The following ZNF385B variants were observed in gnomAD, a reference collection of about 807,000 sequenced individuals.
ZNF385B encodes zinc finger protein 385B.
A neutral mutation model predicts 39.2 loss-of-function variants in ZNF385B; 23 were observed. That is an observed-to-expected ratio of 0.59 (90% CI 0.42 to 0.83). ZNF385B has a LOEUF of 0.83. Among genes scored for constraint, ZNF385B ranks in the 40% least tolerant of loss-of-function variants. ZNF385B has a pLI of 0.00. For synonymous variants in ZNF385B, 205 were observed against 222.6 expected (o/e 0.92, Z 0.70); for missense variants, 552 against 598.9 (o/e 0.92, Z 0.82).
At chr2:179,560,992 G>A (rs2061298136) in intron 3 of ZNF385B, among the ~76,000 whole-genome samples, 1 of 152,122 alleles carries the variant, frequency 6.6e-6, no homozygotes. Context: ...GTGAAGGACA[G>A]GGACAAGTTA....
intron 1 of ZNF385B, among the ~76,000 whole-genome samples, chr2:179,843,767 C>G (rs1400625586): frequency 6.6e-6 from 1 of 152,230 alleles, no homozygotes. Flanking sequence ...TTCCATCTGT[C>G]AAACTCAATC....
chr2:179,761,756 CTTTT>C (rs1167656175), intron 3 of ZNF385B, among the ~76,000 whole-genome samples: 2 of 109,588 alleles, frequency 1.8e-5, no homozygotes, highest in Non-Finnish European at 3.8e-5. Context: ...CATTTTTTTT[CTTTT>C]CTTTTTTTTT....
intron 3 of ZNF385B, among the ~76,000 whole-genome samples, chr2:179,736,426 A>C (rs1701760547): frequency 6.6e-6 from 1 of 152,098 alleles, no homozygotes; most frequent in African/African-American, 2.4e-5. Context: ...TGGACCATTA[A>C]GCTTTTACTA....
intron 3 of ZNF385B, among the ~76,000 whole-genome samples, chr2:179,627,373 C>A (rs1307787534): frequency 6.6e-6 from 1 of 152,106 alleles, no homozygotes; most frequent in Non-Finnish European, 1.5e-5. Context: ...TGGAACCATA[C>A]TAGGTCCATA....
intron 3 of ZNF385B, among the ~76,000 whole-genome samples, chr2:179,704,511 G>A (rs530806385): frequency 2.6e-5 from 4 of 152,254 alleles, no homozygotes; most frequent in Non-Finnish European, 4.4e-5. Flanking sequence ...AACACCTCTG[G>A]GAGATTAGGC....
At chr2:179,568,933 T>C (rs1187168446) in intron 3 of ZNF385B, among the ~76,000 whole-genome samples, 1 of 152,226 alleles carries the variant, frequency 6.6e-6, no homozygotes, top group Non-Finnish European at 1.5e-5. Flanking sequence ...TTTTAAACCA[T>C]CTAACACCTA....
chr2:179,673,934 C>T (rs1251203061), intron 3 of ZNF385B, among the ~76,000 whole-genome samples: 2 of 152,020 alleles, frequency 1.3e-5, no homozygotes, highest in African/African-American at 4.8e-5. Context: ...ATCATGCAGA[C>T]TTTTATCTGA....
chr2:179,493,797 A>G (rs2055821410), intron 5 of ZNF385B, among the ~76,000 whole-genome samples: 4 of 110,858 alleles, frequency 3.6e-5, no homozygotes, highest in Admixed American at 2.8e-4. Context: ...ATGTATACAT[A>G]TATGTATATA....
At chr2:179,586,923 C>T (rs1006683679) in intron 3 of ZNF385B, among the ~76,000 whole-genome samples, 5 of 152,186 alleles carry the variant, frequency 3.3e-5, no homozygotes, top group African/African-American at 1.2e-4. Context: ...CCTGTAGTCC[C>T]AGCTACTCAG....
intron 5 of ZNF385B, among the ~76,000 whole-genome samples, chr2:179,503,860 CT>C (rs796211492): frequency 0.021 from 2,365 of 112,200 alleles, 40 homozygotes; most frequent in South Asian, 0.055. Flanking sequence ...GCCACATTTT[CT>C]TTTTTTTTTT....
chr2:179,749,392 T>G (rs2106465941), intron 3 of ZNF385B, among the ~76,000 whole-genome samples: 1 of 152,226 alleles, frequency 6.6e-6, no homozygotes, highest in East Asian at 1.9e-4. Context: ...AAACTCCATG[T>G]AATCAGAAGA....
intron 1 of ZNF385B, among the ~76,000 whole-genome samples, chr2:179,830,593 C>T (rs975236409): frequency 2.0e-5 from 3 of 152,110 alleles, no homozygotes; most frequent in Admixed American, 1.3e-4. Flanking sequence ...ATGCATATTA[C>T]TAAGTAAAAA....
chr2:179,837,583 C>A (rs1028351493), intron 1 of ZNF385B, among the ~76,000 whole-genome samples: 1 of 152,190 alleles, frequency 6.6e-6, no homozygotes, highest in Non-Finnish European at 1.5e-5. Context: ...GAAAGCAAAG[C>A]CTGAAGAGAC....
chr2:179,696,326 C>CATTTTTTTTTT (rs1698741710), intron 3 of ZNF385B, among the ~76,000 whole-genome samples: 1 of 40,354 alleles, frequency 2.5e-5, no homozygotes, highest in Non-Finnish European at 4.1e-5. Context: ...CAAACTGGGA[C>CATTTTTTTTTT]TTTTTTTTTT....
chr2:179,835,044 C>T (rs187745), intron 1 of ZNF385B, among the ~76,000 whole-genome samples: 72,710 of 151,872 alleles, frequency 0.48, 18,214 homozygotes, highest in African/African-American at 0.6. Flanking sequence ...AATAGGACAA[C>T]AGAAAAATGA....
rs752287923 is a variant in ZNF385B, at chr2:179,493,755, A to ATATATGTATACATATATGTATATG, written c.553-10322_553-10321insCATATACATATATGTATACATATA. ...CATATATGTATACATATGTGTATAT[A>ATATATGTATACATATATGTATATG]CATATATGTATACATATATGTATAT... On this transcript the variant is annotated intron_variant, in intron 5 of 9. Transcript: ENST00000410066. 5.5e-3 allele frequency among the ~76,000 whole-genome samples: 623 copies of ATATATGTATACATATATGTATATG among 112,346 alleles called. 35 individuals carry two copies. Among genetic ancestry groups the ATATATGTATACATATATGTATATG allele is most frequent in the South Asian group, 6.5e-3 (23 of 3,520 alleles). The allele number at this position is 112,346 out of a possible 152,430, so 73.7% of individuals were successfully genotyped here. A position where few individuals can be genotyped will look rare whatever the true frequency, so the allele number is the denominator to read the frequency against.
At chr2:179,763,986 G>T (rs1703547645) in intron 3 of ZNF385B, among the ~76,000 whole-genome samples, 1 of 152,102 alleles carries the variant, frequency 6.6e-6, no homozygotes, top group African/African-American at 2.4e-5. Flanking sequence ...CCTTTTAGTT[G>T]ATTATATTGT....
intron 3 of ZNF385B, among the ~76,000 whole-genome samples, chr2:179,567,808 C>T (rs1182745277): frequency 6.6e-6 from 1 of 152,180 alleles, no homozygotes; most frequent in East Asian, 1.9e-4. Flanking sequence ...CCAATTCCAA[C>T]ATAGGCTGCA....
intron 1 of ZNF385B, among the ~76,000 whole-genome samples, chr2:179,786,296 T>C (rs997893115): frequency 6.6e-6 from 1 of 152,140 alleles, no homozygotes; most frequent in Non-Finnish European, 1.5e-5. Context: ...ATCCAACCCA[T>C]GATATATCTG....
Sources: allele counts gnomAD v4.1 joint callset (sites outside exome capture counted in the v4.1 genomes callset), GRCh38; gene constraint gnomAD v4.1.1; transcripts MANE v1.5; gene names NCBI Gene and HGNC (gene_info 2026-07-23, HGNC 2026-07-21).